The following DENND4B variants were observed in gnomAD, a reference collection of about 807,000 sequenced individuals.
DENND4B encodes the protein DENN domain-containing protein 4B.
A neutral mutation model predicts 161.0 loss-of-function variants in DENND4B; 67 were observed. The ratio of observed to expected loss-of-function variants is 0.42; its 90% CI spans 0.34 to 0.51. DENND4B has a LOEUF of 0.51. Among genes scored for constraint, DENND4B ranks in the 20% least tolerant of loss-of-function variants. The pLI is 0.08. For missense variants in DENND4B, 1,481 were observed against 1,968.0 expected (o/e 0.75, Z 4.68); for synonymous variants, 753 against 813.8 (o/e 0.93, Z 1.27).
chr1:153,938,858 G>A, intron 13 of DENND4B, 42 bp downstream of exon 13: 2 of 1,556,632 alleles, frequency 1.3e-6, no homozygotes, highest in Non-Finnish European at 8.7e-7. Context: ...GACAATGAGG[G>A]AGACAGCAGA....
chr1:153,942,995 T>A lies in DENND4B; in HGVS notation c.453A>T (p.Ala151=). ...CCAGGGCATGCAGCCCTGCCCCCTC[T>A]GCTGCCCGCCGGTAAGTGAGGTAGG... is the stretch of plus-strand genomic sequence containing the variant. ...PRTYLTYRRA[A]EGAGLHALGI... The change falls in exon 3 of 28, where the codon GCA becomes GCT. Residue 151 remains alanine (A), a synonymous_variant. Coordinates refer to ENST00000361217, the MANE Select transcript of DENND4B (RefSeq NM_014856.3). This position sits in a 1 kb window ranked among gnomAD's most constrained non-coding sequence, Gnocchi z 6.9. 1 of 1,613,994 alleles carries A rather than the reference T, an allele frequency of 6.2e-7. No homozygotes were observed. The highest frequency in any genetic ancestry group is 1.7e-5 in the Admixed American group (1 of 60,008).
In DENND4B at chr1:153,933,610, G is replaced by A. The variant is rs1221924128; in HGVS notation, c.3203C>T (p.Ser1068Phe). 6.4e-7 allele frequency: 1 copy of A among 1,556,524 alleles called. No individual in the cohort carries two copies. Among genetic ancestry groups the A allele is most frequent in the East Asian group, 2.3e-5 (1 of 44,162 alleles). ...GARLQQLLTP[S>F]RHSPASRIPP... is the part of the protein sequence containing the mutation. ...AATGCGGGAGGCAGGGGAGTGGCGG[G>A]AAGGAGTGAGCAGCTGTTGGAGGCG... The change falls in exon 20 of 28, where the codon TCC (serine) becomes TTC (phenylalanine). Residue 1068 changes from serine to phenylalanine, a missense_variant. By Grantham distance (155) the Ser-to-Phe change is radical. This residue lies in a region of DENND4B where 339 missense variants were observed against 330.3 expected (regional missense o/e 1.03). Transcript: ENST00000361217. The surrounding 1 kb of genome is among the most constrained non-coding windows in gnomAD (Gnocchi z 5.7).
Position 153,937,303 on chromosome 1 carries a change from A to T in DENND4B, c.2232+185T>A, listed in dbSNP as rs1368663618. 1.3e-5 allele frequency among the ~76,000 whole-genome samples: 2 copies of T among 152,252 alleles called. No homozygotes were observed. The highest frequency in any genetic ancestry group is 1.3e-4 in the Admixed American group (2 of 15,292). On this transcript the variant is annotated intron_variant, in intron 15 of 27. Transcript: ENST00000361217. The surrounding 1 kb of genome is among the most constrained non-coding windows in gnomAD (Gnocchi z 4.7). Reference sequence around the variant, plus strand: ...GAAGACGGAGGTGATGATGATGATGATAATGACAGTGATAATAGCAACTAA... The same window carrying T: ...GAAGACGGAGGTGATGATGATGATGTTAATGACAGTGATAATAGCAACTAA...
chr1:153,933,474 AC>A lies in DENND4B; in HGVS notation c.3330+8del. 1 of 1,567,326 alleles carries A rather than the reference AC, an allele frequency of 6.4e-7. No homozygotes were observed. Among genetic ancestry groups the A allele is most frequent in the Non-Finnish European group, 8.6e-7 (1 of 1,156,382 alleles). On this transcript the variant is annotated splice_region_variant and intron_variant, in intron 20 of 27. Coordinates refer to ENST00000361217, the MANE Select transcript of DENND4B (RefSeq NM_014856.3). The surrounding 1 kb of genome is among the most constrained non-coding windows in gnomAD (Gnocchi z 5.7). ...TGCTAAGGCATCTGGACCCTCCTTC[AC>A]TGGCTACCTCGGAGGCAGTGGATCC...
chr1:153,932,511 C>T lies in DENND4B; in HGVS notation c.3760-71G>A. 1 of 1,555,870 alleles carries T rather than the reference C, an allele frequency of 6.4e-7. No homozygotes were observed. ...CAGAGCCTTGCCTCCCACTGAGCCA[C>T]CACATCCAACAGCTTTTGGGATGCC... is the stretch of plus-strand genomic sequence containing the variant. On this transcript the variant is annotated intron_variant, in intron 23 of 27. Transcript: ENST00000361217. The surrounding 1 kb of genome is among the most constrained non-coding windows in gnomAD (Gnocchi z 5.8).
chr1:153,932,185 G>A lies in DENND4B; in HGVS notation c.3996+19C>T, dbSNP rs759031218. The A allele has an allele frequency of 2.5e-6, 4 of 1,604,004 alleles. No individual in the cohort carries two copies. Among genetic ancestry groups the A allele is most frequent in the Non-Finnish European group, 3.4e-6 (4 of 1,172,742 alleles). On this transcript the variant is annotated intron_variant, in intron 24 of 27. Transcript: ENST00000361217. The surrounding 1 kb of genome is among the most constrained non-coding windows in gnomAD (Gnocchi z 5.8). ...TGAGGGAGGCACTTAGGAAACAGGG[G>A]CCACATGGGGGCACTGACCTGGGAG... is the stretch of plus-strand genomic sequence containing the variant.
In DENND4B at chr1:153,932,795, C is replaced by T; in HGVS notation, c.3624-18G>A. 2 of 1,613,596 alleles carry T rather than the reference C, an allele frequency of 1.2e-6. No individual in the cohort carries two copies. Among genetic ancestry groups the T allele is most frequent in the Non-Finnish European group, 1.7e-6 (2 of 1,179,602 alleles). Reference sequence around the variant, plus strand: ...TGGGGACACTGCAGGGGGATAGCAGCAGGGGTCAGCTTTTGGACCTTCACC... The same window carrying T: ...TGGGGACACTGCAGGGGGATAGCAGTAGGGGTCAGCTTTTGGACCTTCACC... On this transcript the variant is annotated intron_variant, in intron 22 of 27. Transcript: ENST00000361217. This position sits in a 1 kb window ranked among gnomAD's most constrained non-coding sequence, Gnocchi z 5.8.
In DENND4B at chr1:153,937,641, G is replaced by A. The variant is rs778644132; in HGVS notation, c.2106-27C>T. The A allele has an allele frequency of 1.1e-5, 17 of 1,611,534 alleles. No individual in the cohort carries two copies. The highest frequency in any genetic ancestry group is 3.3e-5 in the South Asian group (3 of 90,934). On this transcript the variant is annotated intron_variant, in intron 14 of 27. Coordinates refer to ENST00000361217, the MANE Select transcript of DENND4B (RefSeq NM_014856.3). The surrounding 1 kb of genome is among the most constrained non-coding windows in gnomAD (Gnocchi z 4.7). ...TGGAGGGGCAGAGAGAAGCAACATC[G>A]GGGCAGTCAGCACAGGGCGAAGCGA... is the stretch of plus-strand genomic sequence containing the variant.
In DENND4B at chr1:153,932,768, G is replaced by C; in HGVS notation, c.3633C>G (p.Ser1211Arg). The change falls in exon 23 of 28, where the codon AGC becomes AGG. Residue 1211 changes from serine to arginine, a missense_variant. Coordinates refer to ENST00000361217, the MANE Select transcript of DENND4B (RefSeq NM_014856.3). The surrounding 1 kb of genome is among the most constrained non-coding windows in gnomAD (Gnocchi z 5.8). ...QTLDSRPSVP[S>R]PKSAGASGSK... ...TGCCACTGGCACCAGCAGATTTGGG[G>C]CTGGGGACACTGCAGGGGGATAGCA... 1 of 1,614,032 alleles carries C rather than the reference G, an allele frequency of 6.2e-7. No individual in the cohort carries two copies. Among genetic ancestry groups the C allele is most frequent in the South Asian group, 1.1e-5 (1 of 91,088 alleles).
In DENND4B at chr1:153,936,806, C is replaced by CTATTTATT. The variant is rs1179774991; in HGVS notation, c.2233-66_2233-59dup. ...ACAATGCCAGGTCTTTCTTACTTAT[C>CTATTTATT]TATTTATTTATTTATTTATGACGGT... On this transcript the variant is annotated intron_variant, in intron 15 of 27. Coordinates refer to ENST00000361217, the MANE Select transcript of DENND4B (RefSeq NM_014856.3). This position sits in a 1 kb window ranked among gnomAD's most constrained non-coding sequence, Gnocchi z 4.1. The CTATTTATT allele has an allele frequency of 7.2e-7, 1 of 1,398,478 alleles. No individual in the cohort carries two copies. The highest frequency in any genetic ancestry group is 2.6e-5 in the East Asian group (1 of 38,654). 86.6% of individuals were successfully genotyped at this position (1,398,478 alleles called of 1,614,324 possible). A position where few individuals can be genotyped will look rare whatever the true frequency, so the allele number is the denominator to read the frequency against.
intron 24 of DENND4B, among the ~76,000 whole-genome samples, chr1:153,931,869 T>C (rs1678966224): frequency 6.7e-6 from 1 of 150,016 alleles, no homozygotes; most frequent in African/African-American, 2.5e-5. Context: ...AATGGCGCGA[T>C]CTCGGCTCAC....
Position 153,930,465 on chromosome 1 carries a change from A to T in DENND4B, c.4346-23T>A. On this transcript the variant is annotated intron_variant, in intron 27 of 27. Transcript: ENST00000361217. This position sits in a 1 kb window ranked among gnomAD's most constrained non-coding sequence, Gnocchi z 4.7. ...CCACTAGGGAAGAAGGTGGAAGTCA[A>T]CATGTTAGGACCGCAGCCTCCCACA... 2 of 1,613,906 alleles carry T rather than the reference A, an allele frequency of 1.2e-6. No homozygotes were observed. The highest frequency in any genetic ancestry group is 2.2e-5 in the South Asian group (2 of 91,080).
chr1:153,935,035 C>G (rs1571040445), intron 17 of DENND4B, 71 bp from the exon 18 acceptor site: 1 of 1,576,342 alleles, frequency 6.3e-7, no homozygotes, highest in East Asian at 2.2e-5. Context: ...CACTCCCTGT[C>G]TTGGAGCCCC....
chr1:153,943,215 C>T (rs899108143), intron 2 of DENND4B, 85 bp from the exon 3 acceptor site: 4 of 1,521,626 alleles, frequency 2.6e-6, no homozygotes, highest in Admixed American at 4.0e-5. Context: ...TATCTAATCC[C>T]CTGAACTTGC....
At position 153,930,291 on chromosome 1, in the gene DENND4B, A is replaced by G; in HGVS notation, c.*6T>C. ...ACCCTAGGCTGGAGAGGGAAGCTTA[A>G]GGTCTCTAGCATTCTGGAGGTGCTC... On this transcript the variant is annotated 3_prime_UTR_variant, in exon 28 of 28. Coordinates refer to ENST00000361217, the MANE Select transcript of DENND4B (RefSeq NM_014856.3). The surrounding 1 kb of genome is among the most constrained non-coding windows in gnomAD (Gnocchi z 4.7). 1 of 1,611,788 alleles carries G rather than the reference A, an allele frequency of 6.2e-7. No homozygotes were observed. The highest frequency in any genetic ancestry group is 8.5e-7 in the Non-Finnish European group (1 of 1,178,148).
intron 12 of DENND4B, 136 bp from the exon 13 acceptor site, chr1:153,939,181 C>G (rs1281947032): frequency 9.1e-7 from 1 of 1,096,294 alleles, no homozygotes; most frequent in East Asian, 2.6e-5. Context: ...TCTGGCACAA[C>G]TACCCTAATA....
chr1:153,941,932 C>T lies in DENND4B; in HGVS notation c.992G>A (p.Arg331His), dbSNP rs773647418. ...LSRWPAFPAF[R>H]AFLTFLYRYS... ...GCGGTAAAGGAAGGTGAGGAAGGCG[C>T]GGAAGGCAGGGAAGGCAGGCCAGCG... The change falls in exon 6 of 28, where the codon CGC becomes CAC. Residue 331 changes from arginine (R) to histidine (H), a missense_variant. By Grantham distance (29) the Arg-to-His change is conservative (BLOSUM62 0). Coordinates refer to ENST00000361217, the MANE Select transcript of DENND4B (RefSeq NM_014856.3). The T allele has an allele frequency of 4.3e-6, 7 of 1,612,444 alleles. No homozygotes were observed. In the South Asian group the frequency reaches 5.5e-5, roughly 13 times the overall value.
In DENND4B at chr1:153,946,002, C is replaced by G. The variant is rs1679943199; in HGVS notation, c.-24+299G>C. On this transcript the variant is annotated intron_variant, in intron 1 of 27. Coordinates refer to ENST00000361217, the MANE Select transcript of DENND4B (RefSeq NM_014856.3). This position sits in a 1 kb window ranked among gnomAD's most constrained non-coding sequence, Gnocchi z 6.3. ...AGGAGCAGGAGGGCAGAGAAGCAGG[C>G]GCGCCGGCGGCCGAGGACGTGACGG... Among the ~76,000 whole-genome samples the G allele has an allele frequency of 6.6e-6, 1 of 152,190 alleles. No homozygotes were observed. The highest frequency in any genetic ancestry group is 1.5e-5 in the Non-Finnish European group (1 of 68,020).
Position 153,937,473 on chromosome 1 carries a change from C to T in DENND4B, c.2232+15G>A, listed in dbSNP as rs1263970048. On this transcript the variant is annotated intron_variant, in intron 15 of 27. Coordinates refer to ENST00000361217, the MANE Select transcript of DENND4B (RefSeq NM_014856.3). This position sits in a 1 kb window ranked among gnomAD's most constrained non-coding sequence, Gnocchi z 4.7. ...CCTGATCCGGGTCCCTCAGTGCGGT[C>T]CACCCACTGCTTACCTGTTTGGTAC... is the stretch of plus-strand genomic sequence containing the variant. 8 of 1,531,140 alleles carry T rather than the reference C, an allele frequency of 5.2e-6. No homozygotes were observed. Among genetic ancestry groups the T allele is most frequent in the African/African-American group, 4.2e-5 (3 of 72,258 alleles). 94.8% of individuals were successfully genotyped at this position (1,531,140 alleles called of 1,614,324 possible).
Sources: gnomAD v4.1 joint callset for allele counts (sites outside exome capture counted in the v4.1 genomes callset) on GRCh38, gnomAD v4.1.1 for gene constraint, gnomAD v4.1.1 regional missense constraint, Gnocchi (gnomAD v3.1) non-coding constraint, MANE v1.5 for transcripts, NCBI Gene and HGNC (gene_info 2026-07-23, HGNC 2026-07-21) for gene names.